NKAIN2: variants seen among roughly 807,000 people sequenced by gnomAD.
The protein encoded by NKAIN2 is sodium/potassium transporting ATPase interacting 2.
A neutral mutation model predicts 32.6 loss-of-function variants in NKAIN2; 14 were observed. The observed-to-expected ratio is 0.43, with a 90% CI of 0.28 to 0.67. NKAIN2 has a LOEUF of 0.67. Ranked by LOEUF, NKAIN2 falls within the 30% of genes least tolerant of loss-of-function variation. The pLI is 0.17. For synonymous variants in NKAIN2, 80 were observed against 87.2 expected (o/e 0.92, Z 0.46); for missense variants, 198 against 258.3 (o/e 0.77, Z 1.60).
intron 1 of NKAIN2, among the ~76,000 whole-genome samples, chr6:124,268,283 A>G (rs879353800): frequency 2.0e-5 from 3 of 152,216 alleles, no homozygotes; most frequent in Admixed American, 2.0e-4. Flanking sequence ...CTCCTACATG[A>G]TATTTAACTC....
chr6:124,370,483 G>A (rs1799709754), intron 3 of NKAIN2, among the ~76,000 whole-genome samples: 1 of 152,036 alleles, frequency 6.6e-6, no homozygotes, highest in Admixed American at 6.6e-5. Flanking sequence ...CATGCAACCT[G>A]CTAGAGGAAT....
Position 124,426,511 on chromosome 6 carries a change from A to G in NKAIN2, c.273+71164A>G, listed in dbSNP as rs150020024. ...TTAAAGAAAAAATAAAACAGAGATA[A>G]ATGATTTAAACAGACCTTTTGCCAA... On this transcript the variant is annotated intron_variant, in intron 3 of 6. Transcript: ENST00000368417. Among the ~76,000 whole-genome samples, 1,168 of 152,300 alleles carry G rather than the reference A, an allele frequency of 7.7e-3. 13 individuals carry two copies. Among genetic ancestry groups the G allele is most frequent in the African/African-American group, 0.027 (1,130 of 41,564 alleles).
At chr6:124,687,261 A>G (rs1773951642) in intron 4 of NKAIN2, among the ~76,000 whole-genome samples, 6 of 141,924 alleles carry the variant, frequency 4.2e-5, no homozygotes, top group African/African-American at 1.6e-4. Flanking sequence ...ACCTATATAT[A>G]TTCTCTCTAT....
intron 1 of NKAIN2, among the ~76,000 whole-genome samples, chr6:123,982,299 CTT>C (rs1227964622): frequency 1.1e-4 from 17 of 152,100 alleles, no homozygotes; most frequent in African/African-American, 3.6e-4. Flanking sequence ...CTATAATAGA[CTT>C]AACACAATTG....
intron 3 of NKAIN2, among the ~76,000 whole-genome samples, chr6:124,467,808 T>G (rs1202039922): frequency 6.6e-6 from 1 of 152,160 alleles, no homozygotes; most frequent in African/African-American, 2.4e-5. Context: ...AGAAAATGTT[T>G]ACTTTGAAAA....
chr6:124,014,258 C>T (rs1780467802), intron 1 of NKAIN2, among the ~76,000 whole-genome samples: 1 of 152,084 alleles, frequency 6.6e-6, no homozygotes. Flanking sequence ...TATACTACCA[C>T]CTAGGGATAA....
rs922165591 is a variant in NKAIN2 at position 124,513,509 on chromosome 6, T to C, written c.274-144677T>C. ...TAGCCCTTGGTAGGGATACTCTTTT[T>C]CTTCTGTTTGAAGTAATGGTCTTGT... On this transcript the variant is annotated intron_variant, in intron 3 of 6. Transcript: ENST00000368417. Among the ~76,000 whole-genome samples, 26 of 152,132 alleles carry C rather than the reference T, an allele frequency of 1.7e-4. 1 individual carries two copies. Among genetic ancestry groups the C allele is most frequent in the Admixed American group, 1.2e-3 (19 of 15,262 alleles).
chr6:124,057,631 C>CCTCCTCTTTTTTT (rs1219954931), intron 1 of NKAIN2, among the ~76,000 whole-genome samples: 3 of 151,482 alleles, frequency 2.0e-5, no homozygotes, highest in Non-Finnish European at 2.9e-5. Context: ...AGTTAAATGC[C>CCTCCTCTTTTTTT]CTCCTCTTTT....
At chr6:123,826,097 G>A (rs987405610) in intron 1 of NKAIN2, among the ~76,000 whole-genome samples, 41 of 152,008 alleles carry the variant, frequency 2.7e-4, no homozygotes, top group Admixed American at 2.6e-3. Flanking sequence ...TTCTTCGGCC[G>A]GAAAAGAATG....
rs544894077 is a variant in NKAIN2, at chr6:124,276,107, T to G, written c.55-6898T>G. Among the ~76,000 whole-genome samples the G allele has an allele frequency of 2.3e-4, 35 of 152,236 alleles. No homozygotes were observed. In the South Asian group the frequency reaches 6.8e-3, roughly 30 times the overall value. On this transcript the variant is annotated intron_variant, in intron 1 of 6. Coordinates refer to ENST00000368417, the MANE Select transcript of NKAIN2 (RefSeq NM_001040214.3). ...AGAGCAATTAGGGCCAAGTCTCTTT[T>G]TGGTGGTGTTTCGTTGTGGTGGCGG... is the stretch of plus-strand genomic sequence containing the variant.
intron 1 of NKAIN2, among the ~76,000 whole-genome samples, chr6:124,256,885 G>GGT (rs768653765): frequency 4.0e-5 from 3 of 75,910 alleles, no homozygotes; most frequent in African/African-American, 1.4e-4. Context: ...GCTTTCTGTT[G>GGT]TTTTTTTTTT....
At chr6:124,366,955 T>G (rs1301218780) in intron 3 of NKAIN2, among the ~76,000 whole-genome samples, 1 of 151,624 alleles carries the variant, frequency 6.6e-6, no homozygotes, top group Non-Finnish European at 1.5e-5. Flanking sequence ...GTAATAAGAA[T>G]TTTAAAATGC....
chr6:123,989,716 A>G (rs938879886), intron 1 of NKAIN2, among the ~76,000 whole-genome samples: 2 of 152,206 alleles, frequency 1.3e-5, no homozygotes, highest in Non-Finnish European at 1.5e-5. Context: ...ATATGGTCAC[A>G]GGGAATTTTT....
chr6:124,524,684 A>G (rs555034424), intron 3 of NKAIN2, among the ~76,000 whole-genome samples: 1 of 152,346 alleles, frequency 6.6e-6, no homozygotes, highest in East Asian at 1.9e-4. Flanking sequence ...TGACAGAGCC[A>G]GCTGGTGACA....
At chr6:124,431,078 G>A (rs1225811146) in intron 3 of NKAIN2, among the ~76,000 whole-genome samples, 2 of 152,144 alleles carry the variant, frequency 1.3e-5, no homozygotes, top group Admixed American at 6.6e-5. Flanking sequence ...TATTTTTAGA[G>A]AGACTAATTC....
chr6:124,474,381 T>G (rs1777100256), intron 3 of NKAIN2, among the ~76,000 whole-genome samples: 1 of 152,098 alleles, frequency 6.6e-6, no homozygotes, highest in South Asian at 2.1e-4. Flanking sequence ...TCTGTTGGGA[T>G]TTGGCTATAG....
At chr6:124,750,619 G>A (rs1415764) in intron 4 of NKAIN2, among the ~76,000 whole-genome samples, 64,786 of 151,612 alleles carry the variant, frequency 0.43, 14,451 homozygotes, top group Non-Finnish European at 0.51. Flanking sequence ...AAATATACCA[G>A]TTGTGTAAGT....
intron 4 of NKAIN2, among the ~76,000 whole-genome samples, chr6:124,779,828 C>T (rs796471344): frequency 2.1e-4 from 32 of 152,246 alleles, no homozygotes; most frequent in African/African-American, 6.7e-4. Flanking sequence ...GTGAGCCCAA[C>T]CAAATTCAGC....
At chr6:124,409,352 T>C (rs1774035251) in intron 3 of NKAIN2, among the ~76,000 whole-genome samples, 1 of 152,160 alleles carries the variant, frequency 6.6e-6, no homozygotes, top group Admixed American at 6.5e-5. Flanking sequence ...GCTCTTATTA[T>C]TTTGAGATAC....
Sources: gnomAD v4.1 joint callset for allele counts (sites outside exome capture counted in the v4.1 genomes callset) on GRCh38, gnomAD v4.1.1 for gene constraint, MANE v1.5 for transcripts, NCBI Gene and HGNC (gene_info 2026-07-23, HGNC 2026-07-21) for gene names.